The following EHMT1 variants were observed in gnomAD, a reference collection of about 807,000 sequenced individuals.
EHMT1 encodes euchromatic histone lysine methyltransferase 1.
A neutral mutation model predicts 147.2 loss-of-function variants in EHMT1; 15 were observed. The observed-to-expected ratio is 0.10, with a 90% CI of 0.07 to 0.16. EHMT1 has a LOEUF of 0.16. Ranked by LOEUF, EHMT1 falls within the 10% of genes least tolerant of loss-of-function variation. The pLI is 1.00. For synonymous variants in EHMT1, 795 were observed against 709.6 expected (o/e 1.12, Z -1.91); for missense variants, 1,587 against 1,772.4 (o/e 0.90, Z 1.88).
In EHMT1 at chr9:137,829,113, C is replaced by T. The variant is rs540044640; in HGVS notation, c.3541-5236C>T. On this transcript the variant is annotated intron_variant, in intron 25 of 26. Transcript: ENST00000460843. ...CGTTGCCACTGGAGCTCGTGCCGTGCGCCCACTGCCACCACCTGTCTGCCA... is the reference window on the plus strand; with the variant it reads ...CGTTGCCACTGGAGCTCGTGCCGTGTGCCCACTGCCACCACCTGTCTGCCA... Among the ~76,000 whole-genome samples, 5 of 152,344 alleles carry T rather than the reference C, an allele frequency of 3.3e-5. No homozygotes were observed. In the South Asian group the frequency reaches 8.3e-4, roughly 25 times the overall value.
At chr9:137,659,431 G>T (rs1938830157) in intron 1 of EHMT1, among the ~76,000 whole-genome samples, 1 of 151,530 alleles carries the variant, frequency 6.6e-6, no homozygotes. Context: ...TATTTTTAGA[G>T]ACAGGGTCTT....
rs764164070 is a variant in EHMT1, at chr9:137,732,158, G to A, written c.823+3629G>A. Among the ~76,000 whole-genome samples, 177 of 152,320 alleles carry A rather than the reference G, an allele frequency of 1.2e-3. 2 individuals are homozygous for A. Among genetic ancestry groups the A allele is most frequent in the Middle Eastern group, 6.8e-3 (2 of 294 alleles). ...GCTCCACTGCTGCTTGCCATCACAC[G>A]GGGCAGCCGCCGACACCAGCGGAGG... On this transcript the variant is annotated intron_variant, in intron 4 of 26. Transcript: ENST00000460843. The surrounding 1 kb of genome is among the most constrained non-coding windows in gnomAD (Gnocchi z 4.6).
chr9:137,694,071 G>C (rs1266016750), intron 1 of EHMT1, among the ~76,000 whole-genome samples: 1 of 68,388 alleles, frequency 1.5e-5, no homozygotes, highest in African/African-American at 6.3e-5. Flanking sequence ...GGCTCAGGAC[G>C]CTGGCCGATA....
At chr9:137,681,273 G>T (rs1348831858) in intron 1 of EHMT1, among the ~76,000 whole-genome samples, 2 of 152,152 alleles carry the variant, frequency 1.3e-5, no homozygotes, top group Non-Finnish European at 2.9e-5. Flanking sequence ...TTTTTGCCGC[G>T]TGTCTGTAAC....
chr9:137,811,697 C>A, intron 19 of EHMT1, 82 bp downstream of exon 19: 1 of 1,579,014 alleles, frequency 6.3e-7, no homozygotes, highest in South Asian at 1.1e-5. Context: ...GTCTTGTGTT[C>A]ACACTTGGGG....
chr9:137,682,469 C>T (rs1655904462), intron 1 of EHMT1, among the ~76,000 whole-genome samples: 1 of 152,136 alleles, frequency 6.6e-6, no homozygotes, highest in South Asian at 2.1e-4. Flanking sequence ...AAATCTTAGC[C>T]TGAACTAGCC....
At chr9:137,749,598 C>A (rs1007318361) in intron 6 of EHMT1, among the ~76,000 whole-genome samples, 3 of 152,212 alleles carry the variant, frequency 2.0e-5, no homozygotes, top group African/African-American at 7.2e-5. Flanking sequence ...TGGCGCCCAG[C>A]CTCTTCTTAA....
chr9:137,809,547 G>T (rs905206566), intron 18 of EHMT1, among the ~76,000 whole-genome samples: 13 of 152,212 alleles, frequency 8.5e-5, no homozygotes, highest in African/African-American at 3.1e-4. Context: ...TCAGTCAGGC[G>T]GGGCTTGGTT....
intron 1 of EHMT1, among the ~76,000 whole-genome samples, chr9:137,635,953 GCT>G (rs1361735046): frequency 6.7e-6 from 1 of 150,186 alleles, no homozygotes; most frequent in Non-Finnish European, 1.5e-5. Flanking sequence ...GGGGAGTCTT[GCT>G]CTGTCGCCCA....
rs749848324 is a variant in EHMT1 at position 137,816,034 on chromosome 9, C to G, written c.3346C>G (p.Arg1116Gly). 1.9e-6 allele frequency: 3 copies of G among 1,612,818 alleles called. No individual in the cohort carries two copies. Among genetic ancestry groups the G allele is most frequent in the Non-Finnish European group, 2.5e-6 (3 of 1,179,482 alleles). ...NHACSCWRNC[R>G]NRVVQNGLRA... ...CGCGTGCTCCTGCTGGAGGAACTGCCGAAATCGCGTCGTACAGAATGGTCT... is the reference window on the plus strand; with the variant it reads ...CGCGTGCTCCTGCTGGAGGAACTGCGGAAATCGCGTCGTACAGAATGGTCT... The change falls in exon 23 of 27, where the codon CGA (arginine) becomes GGA (glycine). Residue 1116 changes from arginine (R) to glycine (G), a missense_variant. Coordinates refer to ENST00000460843, the MANE Select transcript of EHMT1 (RefSeq NM_024757.5).
At chr9:137,740,184 C>A (rs1351087009) in intron 4 of EHMT1, among the ~76,000 whole-genome samples, 1 of 152,234 alleles carries the variant, frequency 6.6e-6, no homozygotes, top group African/African-American at 2.4e-5. Flanking sequence ...CACCCCCACC[C>A]CACGCCCATT....
intron 1 of EHMT1, among the ~76,000 whole-genome samples, chr9:137,628,661 G>A (rs1269188059): frequency 6.6e-6 from 1 of 152,212 alleles, no homozygotes; most frequent in Non-Finnish European, 1.5e-5. Flanking sequence ...AGGGCTGCCT[G>A]TCTTCGGATC....
intron 1 of EHMT1, among the ~76,000 whole-genome samples, chr9:137,636,731 A>G (rs1226551701): frequency 2.6e-5 from 4 of 152,092 alleles, no homozygotes; most frequent in African/African-American, 9.7e-5. Context: ...TTCTGCCCTA[A>G]ATCCATTTGG....
chr9:137,721,686 T>C lies in EHMT1; in HGVS notation c.642+4504T>C, dbSNP rs751552709. On this transcript the variant is annotated intron_variant, in intron 3 of 26. Transcript: ENST00000460843. Reference sequence around the variant, plus strand: ...CCTCTCACGCTCATCCCCTTGCACATTGCTTTGCTGTCGGTGTGTCATCTT... The same window carrying C: ...CCTCTCACGCTCATCCCCTTGCACACTGCTTTGCTGTCGGTGTGTCATCTT... 4.1e-4 allele frequency among the ~76,000 whole-genome samples: 63 copies of C among 151,842 alleles called. 1 individual carries two copies. Among genetic ancestry groups the C allele is most frequent in the Non-Finnish European group, 2.4e-4 (16 of 67,982 alleles).
intron 1 of EHMT1, among the ~76,000 whole-genome samples, chr9:137,664,026 G>A (rs1939363270): frequency 6.6e-6 from 1 of 152,092 alleles, no homozygotes; most frequent in South Asian, 2.1e-4. Context: ...TTATATATAA[G>A]TAAAATTATA....
At chr9:137,796,718 A>AG (rs1202406677) in intron 16 of EHMT1, among the ~76,000 whole-genome samples, 20 of 151,474 alleles carry the variant, frequency 1.3e-4, no homozygotes, top group Non-Finnish European at 2.9e-4. Context: ...AAAAAAAAAA[A>AG]AAGAAATGAA....
chr9:137,621,739 C>A (rs372571509), intron 1 of EHMT1, among the ~76,000 whole-genome samples: 7 of 152,102 alleles, frequency 4.6e-5, no homozygotes, highest in Admixed American at 4.6e-4. Flanking sequence ...GGATCAGATC[C>A]TAGGGTTCCT....
At chr9:137,627,124 A>G (rs1327650415) in intron 1 of EHMT1, among the ~76,000 whole-genome samples, 1 of 151,886 alleles carries the variant, frequency 6.6e-6, no homozygotes, top group Non-Finnish European at 1.5e-5. Context: ...ACGCTCGGCT[A>G]ATTTTTGTAT....
In EHMT1 at chr9:137,781,865, C is replaced by T. The variant is rs918210433; in HGVS notation, c.2276-426C>T. ...ACCTGTGAAGGTCACCTCACTGCTC[C>T]GTTGCTCACCGTCCTCTCAGACCTC... On this transcript the variant is annotated intron_variant, in intron 14 of 26. Transcript: ENST00000460843. 1.3e-4 allele frequency among the ~76,000 whole-genome samples: 20 copies of T among 152,188 alleles called. No homozygotes were observed. In the South Asian group the frequency reaches 2.1e-3, roughly 16 times the overall value.
Sources: gnomAD v4.1 joint callset for allele counts (sites outside exome capture counted in the v4.1 genomes callset) on GRCh38, gnomAD v4.1.1 for gene constraint, Gnocchi (gnomAD v3.1) non-coding constraint, MANE v1.5 for transcripts, NCBI Gene and HGNC (gene_info 2026-07-23, HGNC 2026-07-21) for gene names.